TFRC: variants seen among roughly 807,000 people sequenced by gnomAD.
TFRC encodes the protein transferrin receptor protein 1.
In TFRC, 35 loss-of-function variants were observed where a neutral mutation model predicts 85.8. That is an observed-to-expected ratio of 0.41 (90% CI 0.31 to 0.54). TFRC has a LOEUF of 0.54. Ranked by LOEUF, TFRC falls within the 20% of genes least tolerant of loss-of-function variation. The pLI, the probability that TFRC is intolerant of heterozygous loss-of-function variation, is 0.31. For missense variants in TFRC, 828 were observed against 921.5 expected (o/e 0.90, Z 1.31); for synonymous variants, 362 against 328.6 (o/e 1.10, Z -1.10).
Position 196,055,072 on chromosome 3 carries a change from G to A in TFRC, c.1899+8C>T. The stretch of plus-strand genomic sequence containing the variant: ...CAAAATAAAAACGTAATTGGAATCA[G>A]TGCTCACCTTTATGTCTGCTCTGTA... On this transcript the variant is annotated splice_region_variant and intron_variant, in intron 17 of 18. Coordinates refer to ENST00000360110, the MANE Select transcript of TFRC (RefSeq NM_001128148.3). 6.2e-7 allele frequency: 1 copy of A among 1,613,224 alleles called. No homozygotes were observed. The highest frequency in any genetic ancestry group is 8.5e-7 in the Non-Finnish European group (1 of 1,179,532).
rs566698831 is a variant in TFRC, at chr3:196,059,557, C to T, written c.1536+623G>A. On this transcript the variant is annotated intron_variant, in intron 14 of 18. Coordinates refer to ENST00000360110, the MANE Select transcript of TFRC (RefSeq NM_001128148.3). ...TGACCTGTTTCTAACTTTACTCACT[C>T]CAATATACAGCCTCTAATCCCATTA... Among the ~76,000 whole-genome samples the T allele has an allele frequency of 2.0e-5, 3 of 152,184 alleles. No homozygotes were observed. The East Asian group carries it at 5.8e-4, about 29-fold the overall frequency.
At chr3:196,058,740 A>G in intron 14 of TFRC, 108 bp from the exon 15 acceptor site, 1 of 648,202 alleles carries the variant, frequency 1.5e-6, no homozygotes, top group Non-Finnish European at 2.5e-6. Flanking sequence ...AACTTGTATT[A>G]TATCTTCTTG....
At position 196,050,044 on chromosome 3, in the gene TFRC, G is replaced by A. The variant is rs111271657; in HGVS notation, c.*1898C>T. 1.6e-4 allele frequency: 38 copies of A among 231,276 alleles called. No individual in the cohort carries two copies. The highest frequency in any genetic ancestry group is 7.5e-4 in the African/African-American group (34 of 45,332). The allele number at this position is 231,276 out of a possible 1,614,324, so 14.3% of individuals were successfully genotyped here. A position where few individuals can be genotyped will look rare whatever the true frequency, so the allele number is the denominator to read the frequency against. On this transcript the variant is annotated 3_prime_UTR_variant, in exon 19 of 19. Transcript: ENST00000360110. Reference sequence around the variant, plus strand: ...GATCACCACGAATGGGTAGGCAGACGTGTCAGACCTTCAGGGGACTCTCCT... The same window carrying A: ...GATCACCACGAATGGGTAGGCAGACATGTCAGACCTTCAGGGGACTCTCCT...
chr3:196,080,508 G>C (rs1719077573), intron 1 of TFRC, among the ~76,000 whole-genome samples: 1 of 152,232 alleles, frequency 6.6e-6, no homozygotes, highest in Admixed American at 6.5e-5. Context: ...CAAAGTGCTG[G>C]GATTACAGGC....
rs1560075737 is a variant in TFRC at position 196,062,948 on chromosome 3, G to GA, written c.1319-10dup. ...GCTGGGCTGAAACCCATCTGAAAGA[G>GA]AAAAAAGTTAGCTTTACCTGAGGAA... On this transcript the variant is annotated splice_polypyrimidine_tract_variant and intron_variant, in intron 11 of 18. Transcript: ENST00000360110. 1 of 1,612,932 alleles carries GA rather than the reference G, an allele frequency of 6.2e-7. No individual in the cohort carries two copies. Among genetic ancestry groups the GA allele is most frequent in the South Asian group, 1.1e-5 (1 of 90,974 alleles).
chr3:196,072,698 A>G (rs1173407703), intron 4 of TFRC: 1 of 152,274 alleles, frequency 6.6e-6, no homozygotes, highest in Non-Finnish European at 1.5e-5. Flanking sequence ...AGAAAATGCC[A>G]TAACTTAAGA....
chr3:196,057,317 C>T (rs149410173), intron 16 of TFRC, among the ~76,000 whole-genome samples: 122 of 152,202 alleles, frequency 8.0e-4, no homozygotes, highest in African/African-American at 2.8e-3. Flanking sequence ...TTCTAATTAC[C>T]GGTGCATGCA....
In TFRC at chr3:196,075,292, A is replaced by T. The variant is rs776032804; in HGVS notation, c.105T>A (p.His35Gln). ...LARQVDGDNS[H>Q]VEMKLAVDEE... Reference sequence around the variant, plus strand: ...CATCTACAGCAAGTTTCATCTCCACATGACTGTTATCGCCATCTACTTGCC... The same window carrying T: ...CATCTACAGCAAGTTTCATCTCCACTTGACTGTTATCGCCATCTACTTGCC... Residue 35 changes from histidine to glutamine, a missense_variant, in exon 3 of 19, where the codon CAT (histidine) becomes CAA (glutamine). His to Gln is a conservative substitution (Grantham distance 24). Coordinates refer to ENST00000360110, the MANE Select transcript of TFRC (RefSeq NM_001128148.3). 6.2e-7 allele frequency: 1 copy of T among 1,614,096 alleles called. No homozygotes were observed. The highest frequency in any genetic ancestry group is 1.7e-5 in the Admixed American group (1 of 60,000).
At chr3:196,066,630 T>C (rs1577237166) in intron 9 of TFRC, among the ~76,000 whole-genome samples, 1 of 152,158 alleles carries the variant, frequency 6.6e-6, no homozygotes, top group Non-Finnish European at 1.5e-5. Context: ...AGGTGGTAGG[T>C]AGAATGAGTC....
At chr3:196,055,441 C>T (rs551901778) in intron 16 of TFRC, 140 bp from the exon 17 acceptor site, 53 of 678,306 alleles carry the variant, frequency 7.8e-5, no homozygotes, top group Middle Eastern at 7.0e-4. Context: ...TACCCCAATT[C>T]TATCTCATTA....
chr3:196,067,416 G>A (rs1717823207), intron 9 of TFRC, 102 bp downstream of exon 9: 1 of 1,311,250 alleles, frequency 7.6e-7, no homozygotes, highest in Non-Finnish European at 1.0e-6. Flanking sequence ...ATTCCCAAAT[G>A]TGGAAAATTA....
intron 11 of TFRC, 171 bp from the exon 12 acceptor site, chr3:196,063,110 A>C (rs41295897): frequency 1.8e-6 from 1 of 561,136 alleles, no homozygotes; most frequent in Non-Finnish European, 3.1e-6. Flanking sequence ...TTTTTTTGAG[A>C]CCCCAGGTAA....
chr3:196,060,261 GT>G lies in TFRC; in HGVS notation c.1469-15del. The G allele has an allele frequency of 6.2e-7, 1 of 1,611,566 alleles. No homozygotes were observed. The highest frequency in any genetic ancestry group is 8.5e-7 in the Non-Finnish European group (1 of 1,178,006). On this transcript the variant is annotated splice_polypyrimidine_tract_variant and intron_variant, in intron 13 of 18. Coordinates refer to ENST00000360110, the MANE Select transcript of TFRC (RefSeq NM_001128148.3). ...AGTTGCTGGTACCTGAAAATAAATT[GT>G]TTTATCATTGCCCCTTCTCCATTCC... is the stretch of plus-strand genomic sequence containing the variant.
At chr3:196,074,265 TCA>T in intron 3 of TFRC, 140 bp from the exon 4 acceptor site, 1 of 715,432 alleles carries the variant, frequency 1.4e-6, no homozygotes, top group Non-Finnish European at 2.2e-6. Context: ...ATAATGCATC[TCA>T]GTTTTGTATA....
intron 2 of TFRC, 49 bp from the exon 3 acceptor site, chr3:196,075,409 G>A: frequency 6.3e-7 from 1 of 1,587,678 alleles, no homozygotes; most frequent in Non-Finnish European, 8.6e-7. Flanking sequence ...GGAATGTTTA[G>A]GAAAAGCTCG....
Position 196,055,214 on chromosome 3 carries a change from C to T in TFRC, c.1765G>A (p.Ala589Thr). The part of the protein sequence containing the change: ...RIPELNKVAR[A>T]AAEVAGQFVI... The stretch of plus-strand genomic sequence containing the variant: ...AACTGACCAGCGACCTCTGCAGCTG[C>T]TCGTGCCACTTTGTTCAACTCAGGA... The change falls in exon 17 of 19, where the codon GCA (alanine) becomes ACA (threonine). Residue 589 changes from alanine to threonine, a missense_variant. Ala to Thr is a moderately conservative substitution (Grantham distance 58, BLOSUM62 0). Transcript: ENST00000360110. The T allele has an allele frequency of 1.2e-6, 2 of 1,614,220 alleles. No homozygotes were observed. Among genetic ancestry groups the T allele is most frequent in the East Asian group, 2.2e-5 (1 of 44,892 alleles).
At position 196,064,984 on chromosome 3, in the gene TFRC, G is replaced by A. The variant is rs1052830862; in HGVS notation, c.1198+459C>T. Reference sequence around the variant, plus strand: ...AATAAAACTGACACATAGGCTGGGCGCGGTGGCTCATGCCTGTAATCCCAG... The same window carrying A: ...AATAAAACTGACACATAGGCTGGGCACGGTGGCTCATGCCTGTAATCCCAG... On this transcript the variant is annotated intron_variant, in intron 10 of 18. Coordinates refer to ENST00000360110, the MANE Select transcript of TFRC (RefSeq NM_001128148.3). 4.6e-5 allele frequency among the ~76,000 whole-genome samples: 7 copies of A among 152,148 alleles called. 1 individual carries two copies. The highest frequency in any genetic ancestry group is 4.1e-4 in the South Asian group (2 of 4,828).
Position 196,064,373 on chromosome 3 carries a change from T to C in TFRC, c.1254A>G (p.Lys418=). 1 of 1,613,808 alleles carries C rather than the reference T, an allele frequency of 6.2e-7. No homozygotes were observed. Among genetic ancestry groups the C allele is most frequent in the Admixed American group, 1.7e-5 (1 of 59,916 alleles). Residue 418 remains lysine, a synonymous_variant, in exon 11 of 19, where the codon AAA becomes AAG. Coordinates refer to ENST00000360110, the MANE Select transcript of TFRC (RefSeq NM_001128148.3). ...ATAGGAGAGCTGTGCCTACACCGGA[T>C]TTTGCAGCTCCAGGGCCCCATGCAT... ...QRDAWGPGAA[K]SGVGTALLLK...
At chr3:196,065,989 C>CA (rs41295865) in intron 9 of TFRC, among the ~76,000 whole-genome samples, 16,718 of 127,974 alleles carry the variant, frequency 0.13, 1,288 homozygotes, top group Middle Eastern at 0.24. Flanking sequence ...AGTCCTGTCT[C>CA]AAAAAAAAAC....
Sources: gnomAD v4.1 joint callset for allele counts (sites outside exome capture counted in the v4.1 genomes callset) on GRCh38, gnomAD v4.1.1 for gene constraint, MANE v1.5 for transcripts, NCBI Gene and HGNC (gene_info 2026-07-23, HGNC 2026-07-21) for gene names.